Variants in NAALADL1 observed in about 807,000 individuals in gnomAD.
The protein encoded by NAALADL1 is N-acetylated alpha-linked acidic dipeptidase like 1.
In NAALADL1, 77 loss-of-function variants were observed where a neutral mutation model predicts 82.8. The observed-to-expected ratio is 0.93, with a 90% CI of 0.77 to 1.12. The LOEUF is 1.12. Ranked by LOEUF, NAALADL1 falls within the 50% of genes most tolerant of loss-of-function variation. The pLI is 0.00. For synonymous variants in NAALADL1, 358 were observed against 399.2 expected (o/e 0.90, Z 1.23); for missense variants, 956 against 964.0 (o/e 0.99, Z 0.11).
At chr11:65,059,439 G>T (rs541967879), upstream of NAALADL1, among the ~76,000 whole-genome samples, 3 of 152,180 alleles carry the variant, frequency 2.0e-5, no homozygotes, top group Non-Finnish European at 4.4e-5. Flanking sequence ...AAGGCCTAGA[G>T]CTAAAGGAAG....
chr11:65,053,179 G>A lies in NAALADL1; in HGVS notation c.1198+39C>T. On this transcript the variant is annotated intron_variant, in intron 8 of 17. Coordinates refer to ENST00000358658, the MANE Select transcript of NAALADL1 (RefSeq NM_005468.3). The surrounding 1 kb of genome is among the most constrained non-coding windows in gnomAD (Gnocchi z 4.3). ...GGTGGAACAGGAAGGGGACCTCCGG[G>A]GGCGAAGGTCCCTGGTCCAGGGGAG... 45 of 1,499,550 alleles carry A rather than the reference G, an allele frequency of 3.0e-5. No individual in the cohort carries two copies. The highest frequency in any genetic ancestry group is 4.0e-5 in the Non-Finnish European group (45 of 1,122,416). The allele number at this position is 1,499,550 out of a possible 1,614,324, so 92.9% of individuals were successfully genotyped here. A position where few individuals can be genotyped will look rare whatever the true frequency, so the allele number is the denominator to read the frequency against.
At position 65,054,290 on chromosome 11, in the gene NAALADL1, C is replaced by T; in HGVS notation, c.952G>A (p.Gly318Ser). The T allele has an allele frequency of 1.2e-6, 2 of 1,614,100 alleles. No individual in the cohort carries two copies. Among genetic ancestry groups the T allele is most frequent in the Non-Finnish European group, 1.7e-6 (2 of 1,180,014 alleles). Residue 318 changes from glycine (G) to serine (S), a missense_variant, in exon 6 of 18, where the codon GGT becomes AGT. By Grantham distance (56) the Gly-to-Ser change is moderately conservative. Transcript: ENST00000358658. The surrounding 1 kb of genome is among the most constrained non-coding windows in gnomAD (Gnocchi z 4.3). ...QGALGCHYRLGPGFRPDGDFP... is the reference protein window; with the variant it reads ...QGALGCHYRLSPGFRPDGDFP... The stretch of plus-strand genomic sequence containing the variant: ...TCTCCGTCAGGCCGGAAGCCGGGAC[C>T]CAACCTGTAGTGGCAGCCCAGTGCT...
chr11:65,051,503 T>A (rs1174479269), intron 8 of NAALADL1, among the ~76,000 whole-genome samples: 3 of 151,600 alleles, frequency 2.0e-5, no homozygotes, highest in Non-Finnish European at 4.4e-5. Flanking sequence ...GCCTGGCTAT[T>A]TTTTTATGTT....
chr11:65,058,582 G>T (rs1273724974), upstream of NAALADL1: 4 of 1,434,874 alleles, frequency 2.8e-6, no homozygotes, highest in African/African-American at 5.7e-5. Context: ...TATAGAGGGG[G>T]TGTTGTGCCT....
At chr11:65,055,547 A>G (rs1028161713) in intron 4 of NAALADL1, among the ~76,000 whole-genome samples, 1 of 152,224 alleles carries the variant, frequency 6.6e-6, no homozygotes, top group African/African-American at 2.4e-5. Flanking sequence ...GTTAAGTGAA[A>G]TAAGCCAGAC....
upstream of NAALADL1, among the ~76,000 whole-genome samples, chr11:65,060,685 C>G (rs554966973): frequency 3.9e-5 from 6 of 152,324 alleles, no homozygotes; most frequent in Admixed American, 1.3e-4. Flanking sequence ...TCCACTCAGG[C>G]TGTTGGAATC....
intron 12 of NAALADL1, 40 bp downstream of exon 12, chr11:65,047,607 G>T: frequency 6.3e-7 from 1 of 1,581,058 alleles, no homozygotes; most frequent in South Asian, 1.2e-5. Flanking sequence ...CGCTGGGCCG[G>T]ACCGCCTCGC....
Position 65,047,740 on chromosome 11 carries a change from T to C in NAALADL1, c.1417-2A>G. 2 of 1,597,368 alleles carry C rather than the reference T, an allele frequency of 1.3e-6. No individual in the cohort carries two copies. The highest frequency in any genetic ancestry group is 1.7e-6 in the Non-Finnish European group (2 of 1,173,264). On this transcript the variant is annotated splice_acceptor_variant, in intron 11 of 17. Coordinates refer to ENST00000358658, the MANE Select transcript of NAALADL1 (RefSeq NM_005468.3). LOFTEE classifies it high-confidence loss of function. Reference sequence around the variant, plus strand: ...GTCGCCAGGGCCTGGTGAGCGGATCTGGCCGGAAGGAGAATTTAGTCTCGG... The same window carrying C: ...GTCGCCAGGGCCTGGTGAGCGGATCCGGCCGGAAGGAGAATTTAGTCTCGG...
At chr11:65,047,201 G>A (rs1946753009) in intron 13 of NAALADL1, among the ~76,000 whole-genome samples, 7 of 152,184 alleles carry the variant, frequency 4.6e-5, no homozygotes, top group Admixed American at 4.6e-4. Context: ...CGGGCACCAA[G>A]GCTCACACCT....
chr11:65,046,923 C>G (rs942470984), intron 13 of NAALADL1, among the ~76,000 whole-genome samples: 1 of 152,118 alleles, frequency 6.6e-6, no homozygotes, highest in Non-Finnish European at 1.5e-5. Flanking sequence ...ACCTTCATGC[C>G]AACGCTCACG....
chr11:65,059,628 C>T (rs1016196952), upstream of NAALADL1, among the ~76,000 whole-genome samples: 1 of 152,246 alleles, frequency 6.6e-6, no homozygotes, highest in Non-Finnish European at 1.5e-5. Context: ...CATCCACCCT[C>T]CTATTTATCC....
intron 8 of NAALADL1, among the ~76,000 whole-genome samples, chr11:65,051,482 C>T (rs1946888013): frequency 2.0e-5 from 3 of 151,574 alleles, no homozygotes; most frequent in Admixed American, 2.0e-4. Context: ...ACCACAGGCA[C>T]ATGTCACCAC....
chr11:65,045,497 A>G, intron 17 of NAALADL1, 40 bp from the exon 18 acceptor site: 1 of 1,546,118 alleles, frequency 6.5e-7, no homozygotes, highest in Non-Finnish European at 8.7e-7. Flanking sequence ...TCAGTCAGTC[A>G]GGGGCCAGGA....
chr11:65,050,790 A>AAAT (rs1417978144), intron 8 of NAALADL1, among the ~76,000 whole-genome samples: 7 of 152,018 alleles, frequency 4.6e-5, no homozygotes, highest in South Asian at 4.2e-4. Context: ...CTGTGTCTCA[A>AAAT]AATAATAATA....
intron 3 of NAALADL1, 124 bp downstream of exon 3, chr11:65,057,751 G>T: frequency 7.0e-7 from 1 of 1,433,986 alleles, no homozygotes; most frequent in Non-Finnish European, 9.6e-7. Flanking sequence ...GAGTGTCCCG[G>T]TGAGTAAATT....
chr11:65,051,068 T>C (rs1946872755), intron 8 of NAALADL1, among the ~76,000 whole-genome samples: 1 of 152,146 alleles, frequency 6.6e-6, no homozygotes. Flanking sequence ...GGCTTCTTTG[T>C]ACTATTTTTA....
Position 65,053,485 on chromosome 11 carries a change from G to C in NAALADL1, c.1078+6C>G. 6.2e-7 allele frequency: 1 copy of C among 1,613,706 alleles called. No individual in the cohort carries two copies. Among genetic ancestry groups the C allele is most frequent in the Non-Finnish European group, 8.5e-7 (1 of 1,179,908 alleles). ...CTGGGGTGCAGGCAGCAAGAGGAGG[G>C]CTCACCAGGCTCCACAGCCCCACGG... On this transcript the variant is annotated splice_donor_region_variant and intron_variant, in intron 7 of 17. Coordinates refer to ENST00000358658, the MANE Select transcript of NAALADL1 (RefSeq NM_005468.3). The surrounding 1 kb of genome is among the most constrained non-coding windows in gnomAD (Gnocchi z 4.3).
intron 14 of NAALADL1, 39 bp from the exon 15 acceptor site, chr11:65,046,401 C>T: frequency 6.2e-7 from 1 of 1,614,222 alleles, no homozygotes; most frequent in Non-Finnish European, 8.5e-7. Flanking sequence ...AGTCTTCAGC[C>T]TCTCCTGTCC....
intron 11 of NAALADL1, 70 bp from the exon 12 acceptor site, chr11:65,047,808 C>A: frequency 1.3e-6 from 2 of 1,510,714 alleles, no homozygotes; most frequent in Non-Finnish European, 1.8e-6. Flanking sequence ...GGGTTCTCCA[C>A]CGGTCTCCTG....
Sources: gnomAD v4.1 joint callset for allele counts (sites outside exome capture counted in the v4.1 genomes callset) on GRCh38, gnomAD v4.1.1 for gene constraint, Gnocchi (gnomAD v3.1) non-coding constraint, MANE v1.5 for transcripts, NCBI Gene and HGNC (gene_info 2026-07-23, HGNC 2026-07-21) for gene names.